The following EHD2 variants were observed in gnomAD, a reference collection of about 807,000 sequenced individuals.
EHD2 encodes the protein EH domain-containing protein 2.
In EHD2, 27 loss-of-function variants were observed where a neutral mutation model predicts 41.0. The ratio of observed to expected loss-of-function variants is 0.66; its 90% CI spans 0.49 to 0.91. The LOEUF is 0.91. Among genes scored for constraint, EHD2 ranks in the 40% least tolerant of loss-of-function variants. The pLI, the probability that EHD2 is intolerant of heterozygous loss-of-function variation, is 0.00. For missense variants in EHD2, 673 were observed against 773.9 expected (o/e 0.87, Z 1.55); for synonymous variants, 342 against 341.0 (o/e 1.00, Z -0.03).
chr19:47,732,750 T>G (rs2123653904), intron 4 of EHD2, among the ~76,000 whole-genome samples: 1 of 152,112 alleles, frequency 6.6e-6, no homozygotes, highest in Middle Eastern at 3.4e-3. Flanking sequence ...GACATACCAA[T>G]ATTCATTATT....
At chr19:47,720,509 G>A (rs1181036093) in intron 3 of EHD2, among the ~76,000 whole-genome samples, 1 of 151,952 alleles carries the variant, frequency 6.6e-6, no homozygotes, top group African/African-American at 2.4e-5. Context: ...GGCTGTGTAG[G>A]GCTATGAGAG....
chr19:47,737,706 A>G (rs7249781), intron 5 of EHD2, among the ~76,000 whole-genome samples: 1 of 151,714 alleles, frequency 6.6e-6, no homozygotes, highest in African/African-American at 2.4e-5. Flanking sequence ...ATTTATTTAT[A>G]TATTTTTTAG....
chr19:47,741,631 G>A lies in EHD2; in HGVS notation c.*199G>A. ...CGGGAGGGACAAGGCTTCTCTGTCCGCCCTTCACACCTCCAGCCTCACGTT... is the reference window on the plus strand; with the variant it reads ...CGGGAGGGACAAGGCTTCTCTGTCCACCCTTCACACCTCCAGCCTCACGTT... On this transcript the variant is annotated 3_prime_UTR_variant, in exon 6 of 6. Coordinates refer to ENST00000263277, the MANE Select transcript of EHD2 (RefSeq NM_014601.4). This position sits in a 1 kb window ranked among gnomAD's most constrained non-coding sequence, Gnocchi z 4.5. 5 of 641,120 alleles carry A rather than the reference G, an allele frequency of 7.8e-6. No individual in the cohort carries two copies. Among genetic ancestry groups the A allele is most frequent in the Admixed American group, 2.9e-5 (1 of 34,918 alleles). The allele number at this position is 641,120 out of a possible 1,614,324, so 39.7% of individuals were successfully genotyped here. A position where few individuals can be genotyped will look rare whatever the true frequency, so the allele number is the denominator to read the frequency against.
chr19:47,718,558 A>C lies in EHD2; in HGVS notation c.454A>C (p.Ile152Leu). 1.9e-6 allele frequency: 3 copies of C among 1,587,736 alleles called. No individual in the cohort carries two copies. The highest frequency in any genetic ancestry group is 2.6e-6 in the Non-Finnish European group (3 of 1,166,712). ...PNQVLESISI[I>L]DTPGILSGAK... is the part of the protein sequence containing the mutation. Reference sequence around the variant, plus strand: ...TCAGGTCCTGGAGAGCATCAGCATCATCGACACCCCGGGTATCCTGTCGGG... The same window carrying C: ...TCAGGTCCTGGAGAGCATCAGCATCCTCGACACCCCGGGTATCCTGTCGGG... The change falls in exon 3 of 6, where the codon ATC becomes CTC. Residue 152 changes from isoleucine to leucine, a missense_variant. Coordinates refer to ENST00000263277, the MANE Select transcript of EHD2 (RefSeq NM_014601.4).
At chr19:47,726,448 TC>T (rs1389628839) in intron 4 of EHD2, 5 of 426,316 alleles carry the variant, frequency 1.2e-5, no homozygotes, top group Non-Finnish European at 1.2e-5. Flanking sequence ...GGCTTCTCTG[TC>T]CTGGTATTTC....
At chr19:47,734,946 G>A (rs185369481) in intron 4 of EHD2, among the ~76,000 whole-genome samples, 62 of 152,134 alleles carry the variant, frequency 4.1e-4, no homozygotes, top group African/African-American at 1.2e-3. Flanking sequence ...CCAGCTACTC[G>A]GGAGGCCAGG....
In EHD2 at chr19:47,719,997, G is replaced by A. The variant is rs1011197184; in HGVS notation, c.502+1391G>A. ...CTTTGTGTATATCTTGGGAAAGTGT[G>A]TCATTATGAGTGTACTCCTGGGTGT... On this transcript the variant is annotated intron_variant, in intron 3 of 5. Coordinates refer to ENST00000263277, the MANE Select transcript of EHD2 (RefSeq NM_014601.4). This position sits in a 1 kb window ranked among gnomAD's most constrained non-coding sequence, Gnocchi z 4.1. 4.8e-5 allele frequency among the ~76,000 whole-genome samples: 7 copies of A among 145,136 alleles called. No homozygotes were observed. Among genetic ancestry groups the A allele is most frequent in the Non-Finnish European group, 1.0e-4 (7 of 67,082 alleles).
At position 47,736,434 on chromosome 19, in the gene EHD2, G is replaced by A. The variant is rs772498278; in HGVS notation, c.981G>A (p.Lys327=). ...EMPSVFGKEN[K]KKQLILKLPV... ...CCTCTGTGTTTGGGAAGGAGAACAA[G>A]AAGAAGCAGCTGATCCTCAAACTGC... is the stretch of plus-strand genomic sequence containing the variant. The change falls in exon 5 of 6, where the codon AAG becomes AAA. Residue 327 remains lysine (K), a synonymous_variant. Coordinates refer to ENST00000263277, the MANE Select transcript of EHD2 (RefSeq NM_014601.4). 58 of 1,613,322 alleles carry A rather than the reference G, an allele frequency of 3.6e-5. No individual in the cohort carries two copies. Among genetic ancestry groups the A allele is most frequent in the Non-Finnish European group, 4.7e-5 (56 of 1,179,772 alleles).
intron 5 of EHD2, among the ~76,000 whole-genome samples, chr19:47,736,738 G>T (rs1286868333): frequency 6.6e-6 from 1 of 152,194 alleles, no homozygotes. Flanking sequence ...GCTAAATTAA[G>T]ATAGAGAGTT....
At position 47,736,444 on chromosome 19, in the gene EHD2, C is replaced by T. The variant is rs1397213521; in HGVS notation, c.991C>T (p.Leu331=). 2 of 1,613,198 alleles carry T rather than the reference C, an allele frequency of 1.2e-6. No individual in the cohort carries two copies. The highest frequency in any genetic ancestry group is 1.7e-6 in the Non-Finnish European group (2 of 1,179,662). Residue 331 remains leucine, a synonymous_variant, in exon 5 of 6, where the codon CTG becomes TTG. Coordinates refer to ENST00000263277, the MANE Select transcript of EHD2 (RefSeq NM_014601.4). The part of the protein sequence containing the change: ...VFGKENKKKQ[L]ILKLPVIFAK... ...TGGGAAGGAGAACAAGAAGAAGCAGCTGATCCTCAAACTGCCCGTCATCTT... is the reference window on the plus strand; with the variant it reads ...TGGGAAGGAGAACAAGAAGAAGCAGTTGATCCTCAAACTGCCCGTCATCTT...
intron 5 of EHD2, among the ~76,000 whole-genome samples, chr19:47,739,557 C>T (rs1043978223): frequency 2.8e-5 from 4 of 141,806 alleles, no homozygotes; most frequent in East Asian, 4.2e-4. Context: ...GCTGAGATCG[C>T]GCCATTGCAC....
intron 2 of EHD2, among the ~76,000 whole-genome samples, chr19:47,717,504 A>G (rs1973641814): frequency 6.6e-6 from 1 of 152,108 alleles, no homozygotes; most frequent in South Asian, 2.1e-4. Context: ...GGGAGCACCT[A>G]GGCTAGTGAA....
At chr19:47,720,937 A>G (rs939807402) in intron 3 of EHD2, among the ~76,000 whole-genome samples, 4 of 148,316 alleles carry the variant, frequency 2.7e-5, no homozygotes, top group Non-Finnish European at 6.0e-5. Context: ...AGGGCATGGG[A>G]GGTTATGTGT....
At chr19:47,740,208 A>G (rs536217956) in intron 5 of EHD2, among the ~76,000 whole-genome samples, 14 of 150,862 alleles carry the variant, frequency 9.3e-5, no homozygotes, top group Non-Finnish European at 1.6e-4. Context: ...TCTACAAAAA[A>G]TTTTTAAAAC....
intron 3 of EHD2, among the ~76,000 whole-genome samples, chr19:47,721,206 CAT>C (rs1389735353): frequency 4.0e-5 from 6 of 151,354 alleles, no homozygotes; most frequent in Non-Finnish European, 7.4e-5. Context: ...TATGCGAGCT[CAT>C]GTGTGTGGCT....
chr19:47,725,076 C>T (rs575496766), intron 3 of EHD2, among the ~76,000 whole-genome samples: 11 of 146,558 alleles, frequency 7.5e-5, no homozygotes, highest in African/African-American at 2.2e-4. Context: ...GTTGCTGGAT[C>T]GTGGGGAGAT....
chr19:47,716,814 A>G lies in EHD2; in HGVS notation c.202A>G (p.Ser68Gly), dbSNP rs1166536830. 3.7e-6 allele frequency: 6 copies of G among 1,610,064 alleles called. No individual in the cohort carries two copies. The highest frequency in any genetic ancestry group is 5.1e-6 in the Non-Finnish European group (6 of 1,178,072). ...CATGGTGCTGGTGGCCGGCCAGTAC[A>G]GCACGGGCAAGACCAGCTTCATCCA... Reference protein sequence around the residue: ...KPMVLVAGQYSTGKTSFIQYL... With the variant: ...KPMVLVAGQYGTGKTSFIQYL... The change falls in exon 2 of 6, where the codon AGC (serine) becomes GGC (glycine). Residue 68 changes from serine (S) to glycine (G), a missense_variant. Physicochemically the swap from Ser to Gly is moderately conservative, Grantham distance 56 (BLOSUM62 0). Coordinates refer to ENST00000263277, the MANE Select transcript of EHD2 (RefSeq NM_014601.4).
At chr19:47,718,723 T>C (rs112058314) in intron 3 of EHD2, 117 bp downstream of exon 3, 23,092 of 601,104 alleles carry the variant, frequency 0.038, 346 homozygotes, top group African/African-American at 0.099. Flanking sequence ...GGGGCTGGGG[T>C]CTGGACTCCT....
intron 3 of EHD2, among the ~76,000 whole-genome samples, chr19:47,724,498 G>A (rs1973729213): frequency 6.6e-6 from 1 of 152,152 alleles, no homozygotes; most frequent in Admixed American, 6.6e-5. Context: ...TAAGTCAGGG[G>A]GTCTCAATCG....
Sources: gnomAD v4.1 joint callset for allele counts (sites outside exome capture counted in the v4.1 genomes callset) on GRCh38, gnomAD v4.1.1 for gene constraint, Gnocchi (gnomAD v3.1) non-coding constraint, MANE v1.5 for transcripts, NCBI Gene and HGNC (gene_info 2026-07-23, HGNC 2026-07-21) for gene names.